BAZ2B: variants seen among roughly 807,000 people sequenced by gnomAD.
The protein encoded by BAZ2B is bromodomain adjacent to zinc finger domain protein 2B.
Under a neutral mutation model 246.0 loss-of-function variants are expected in BAZ2B, and 91 were observed. The ratio of observed to expected loss-of-function variants is 0.37; its 90% CI spans 0.31 to 0.44. The LOEUF (loss-of-function observed/expected upper bound fraction) is 0.44. Among genes scored for constraint, BAZ2B ranks in the 20% least tolerant of loss-of-function variants. The pLI is 1.00. For synonymous variants in BAZ2B, 855 were observed against 860.0 expected (o/e 0.99, Z 0.10); for missense variants, 2,332 against 2,533.7 (o/e 0.92, Z 1.71).
chr2:159,583,364 C>G (rs1025474180), intron 1 of BAZ2B, among the ~76,000 whole-genome samples: 5 of 152,176 alleles, frequency 3.3e-5, no homozygotes, highest in Admixed American at 3.3e-4. Context: ...ATCTGCCTGC[C>G]TCAGCCTCCC....
At chr2:159,686,974 G>A in the BAZ2B span, among the ~76,000 whole-genome samples, 39 of 150,752 alleles carry the variant, frequency 2.6e-4, no homozygotes, top group African/African-American at 6.4e-4. Flanking sequence ...CCCGGGTGGC[G>A]GAGCTTGCAG....
At chr2:159,317,833 C>T (rs1027009060), downstream of BAZ2B, among the ~76,000 whole-genome samples, 3 of 151,838 alleles carry the variant, frequency 2.0e-5, no homozygotes, top group Non-Finnish European at 4.4e-5. Flanking sequence ...ACTGGGAGTG[C>T]ATGAATCACT....
At chr2:159,628,288 G>A in the BAZ2B span, among the ~76,000 whole-genome samples, 4 of 152,118 alleles carry the variant, frequency 2.6e-5, no homozygotes, top group Non-Finnish European at 5.9e-5. Flanking sequence ...CAAGCTACCA[G>A]TGACTTTCTT....
chr2:159,698,899 CTCTG>C, the BAZ2B span, among the ~76,000 whole-genome samples: 3 of 152,174 alleles, frequency 2.0e-5, no homozygotes, highest in African/African-American at 7.2e-5. Context: ...ACAATATTTA[CTCTG>C]TCTAAAACAT....
At chr2:159,385,395 G>C in intron 22 of BAZ2B, 26 bp from the exon 23 acceptor site, 2 of 1,577,842 alleles carry the variant, frequency 1.3e-6, no homozygotes, top group African/African-American at 2.7e-5. Context: ...ATTTTTATCA[G>C]TATTACTCAC....
At chr2:159,438,170 A>T (rs992205931) in intron 8 of BAZ2B, 133 bp downstream of exon 8, 2 of 819,786 alleles carry the variant, frequency 2.4e-6, no homozygotes, top group African/African-American at 3.5e-5. Context: ...TGCTGTACAT[A>T]TTCTATTCCT....
the BAZ2B span, among the ~76,000 whole-genome samples, chr2:159,651,192 T>C: frequency 1.3e-5 from 2 of 152,230 alleles, no homozygotes; most frequent in East Asian, 3.9e-4. Flanking sequence ...ATTGTGAATA[T>C]AGAAAAAAAT....
In BAZ2B at chr2:159,507,951, A is replaced by C. The variant is rs1577919957; in HGVS notation, c.-2-29230T>G. Among the ~76,000 whole-genome samples, 3 of 152,260 alleles carry C rather than the reference A, an allele frequency of 2.0e-5. No individual in the cohort carries two copies. In the South Asian group the frequency reaches 6.2e-4, roughly 32 times the overall value. ...AAGTGGCATGATCTCAGCTTGCCAC[A>C]ACCTCCACCTCCCGGTTCAAGTGAT... is the stretch of plus-strand genomic sequence containing the variant. On this transcript the variant is annotated intron_variant, in intron 2 of 36. Coordinates refer to ENST00000392783, the MANE Select transcript of BAZ2B (RefSeq NM_013450.4).
At chr2:159,596,369 C>T (rs569012232) in intron 1 of BAZ2B, among the ~76,000 whole-genome samples, 49 of 152,126 alleles carry the variant, frequency 3.2e-4, no homozygotes, top group Non-Finnish European at 6.0e-4. Flanking sequence ...TGCGTGACAC[C>T]ACAGATCCTG....
intron 3 of BAZ2B, among the ~76,000 whole-genome samples, chr2:159,472,879 C>T (rs188144378): frequency 4.7e-4 from 71 of 152,162 alleles, no homozygotes; most frequent in African/African-American, 1.5e-3. Flanking sequence ...CTGCTGGATT[C>T]GATTTGTCAG....
chr2:159,382,416 A>G (rs2062097490), intron 25 of BAZ2B, 143 bp downstream of exon 25: 1 of 859,326 alleles, frequency 1.2e-6, no homozygotes, highest in Non-Finnish European at 1.7e-6. Flanking sequence ...TACAGATTGT[A>G]ATATTTGTTT....
the BAZ2B span, among the ~76,000 whole-genome samples, chr2:159,644,958 A>G: frequency 6.6e-6 from 1 of 152,160 alleles, no homozygotes; most frequent in African/African-American, 2.4e-5. Context: ...GACCTATGCT[A>G]TATTTTCAAT....
chr2:159,583,329 G>T (rs1324589434), intron 1 of BAZ2B, among the ~76,000 whole-genome samples: 1 of 152,074 alleles, frequency 6.6e-6, no homozygotes, highest in Non-Finnish European at 1.5e-5. Flanking sequence ...TGGCCAGGCT[G>T]ATCTAGAGCT....
chr2:159,358,047 T>C (rs962772431), intron 27 of BAZ2B, among the ~76,000 whole-genome samples: 2 of 152,124 alleles, frequency 1.3e-5, no homozygotes, highest in South Asian at 4.1e-4. Flanking sequence ...ATGAAGAAAC[T>C]GCATCAACTA....
chr2:159,438,207 G>T, intron 8 of BAZ2B, 96 bp downstream of exon 8: 2 of 1,122,830 alleles, frequency 1.8e-6, no homozygotes, highest in Admixed American at 2.8e-5. Context: ...TAAAAATGAA[G>T]GTAGAATTTA....
the BAZ2B span, among the ~76,000 whole-genome samples, chr2:159,702,527 A>G: frequency 6.6e-6 from 1 of 152,058 alleles, no homozygotes; most frequent in East Asian, 1.9e-4. Context: ...TTTTTATTTT[A>G]GTAGTCCTCT....
chr2:159,369,769 T>C (rs1272059382), intron 27 of BAZ2B, among the ~76,000 whole-genome samples: 1 of 152,220 alleles, frequency 6.6e-6, no homozygotes, highest in African/African-American at 2.4e-5. Context: ...AAAAAATCTT[T>C]GTTGGACATT....
Position 159,320,315 on chromosome 2 carries a change from T to G in BAZ2B, c.6457A>C (p.Met2153Leu). 6.4e-7 allele frequency: 1 copy of G among 1,574,338 alleles called. No homozygotes were observed. Among genetic ancestry groups the G allele is most frequent in the Non-Finnish European group, 8.5e-7 (1 of 1,170,248 alleles). ...CACTTTTTTTCAAAATACTTCCTCA[T>G]ATTGTGGCCAGCTCTGCCTATATCA... ...DSDIGRAGHN[M>L]RKYFEKKWTD... Residue 2153 changes from methionine (M) to leucine (L), a missense_variant, in exon 37 of 37, where the codon ATG becomes CTG. Coordinates refer to ENST00000392783, the MANE Select transcript of BAZ2B (RefSeq NM_013450.4).
At chr2:159,384,752 T>C (rs1457397791) in intron 23 of BAZ2B, among the ~76,000 whole-genome samples, 1 of 152,060 alleles carries the variant, frequency 6.6e-6, no homozygotes, top group Non-Finnish European at 1.5e-5. Context: ...CGTAATTCTG[T>C]GAATGGCTAC....
Sources: allele counts gnomAD v4.1 joint callset (sites outside exome capture counted in the v4.1 genomes callset), GRCh38; gene constraint gnomAD v4.1.1; transcripts MANE v1.5; gene names NCBI Gene and HGNC (gene_info 2026-07-23, HGNC 2026-07-21).